Variants in GATAD2B observed in about 807,000 individuals in gnomAD.
The protein encoded by GATAD2B is transcriptional repressor p66-beta.
In GATAD2B, 8 loss-of-function variants were observed where a neutral mutation model predicts 64.3. That is an observed-to-expected ratio of 0.12 (90% CI 0.07 to 0.22). The LOEUF is 0.22. Among genes scored for constraint, GATAD2B ranks in the 10% least tolerant of loss-of-function variants. The probability of loss-of-function intolerance (pLI) is 1.00; values close to 1 mark genes in which losing one functional copy is unlikely to be tolerated. For synonymous variants in GATAD2B, 281 were observed against 271.3 expected, an observed-to-expected ratio of 1.04 and a Z score of -0.35; for missense variants, 453 against 752.0, an observed-to-expected ratio of 0.60 and a Z score of 4.65.
At chr1:153,853,323 G>A in intron 1 of GATAD2B, 1 of 773,420 alleles carries the variant, frequency 1.3e-6, no homozygotes. Context: ...CATGGGCTGA[G>A]GACATGGGGT....
At chr1:153,857,636 GGA>G (rs1676135029) in intron 1 of GATAD2B, among the ~76,000 whole-genome samples, 1 of 152,126 alleles carries the variant, frequency 6.6e-6, no homozygotes, top group African/African-American at 2.4e-5. Flanking sequence ...AGGTAAAAAA[GGA>G]GAGAGAGATG....
At chr1:153,903,296 C>G (rs546566741) in intron 1 of GATAD2B, among the ~76,000 whole-genome samples, 2 of 151,990 alleles carry the variant, frequency 1.3e-5, no homozygotes, top group East Asian at 3.9e-4. Context: ...TTCTCTCTAT[C>G]AGAACAATTA....
At chr1:153,892,359 T>A (rs1677441571) in intron 1 of GATAD2B, among the ~76,000 whole-genome samples, 1 of 152,008 alleles carries the variant, frequency 6.6e-6, no homozygotes, top group Admixed American at 6.6e-5. Context: ...GGAAAAAAGA[T>A]CTAGCTGACC....
At chr1:153,863,097 G>A (rs1676367298) in intron 1 of GATAD2B, among the ~76,000 whole-genome samples, 1 of 152,026 alleles carries the variant, frequency 6.6e-6, no homozygotes, top group Admixed American at 6.6e-5. Context: ...AAATTTATTT[G>A]GGTGGGGCTA....
intron 1 of GATAD2B, among the ~76,000 whole-genome samples, chr1:153,903,938 T>C (rs1677852532): frequency 6.6e-6 from 1 of 152,098 alleles, no homozygotes. Flanking sequence ...GAGCCGTGAC[T>C]GCACCACTGC....
Position 153,805,246 on chromosome 1 carries a change from G to A in GATAD2B, c.*4931C>T, listed in dbSNP as rs1233732893. On this transcript the variant is annotated 3_prime_UTR_variant, in exon 11 of 11. Coordinates refer to ENST00000368655, the MANE Select transcript of GATAD2B (RefSeq NM_020699.4). ...AGACTGTGAAACAGCTGCCTTTAGC[G>A]GGGTTCAGATGAAATCTGAGGAAAG... 2.0e-5 allele frequency: 3 copies of A among 152,182 alleles called. No homozygotes were observed. Among genetic ancestry groups the A allele is most frequent in the Non-Finnish European group, 4.4e-5 (3 of 68,050 alleles). The allele number at this position is 152,182 out of a possible 1,614,324, so 9.4% of individuals were successfully genotyped here.
intron 1 of GATAD2B, among the ~76,000 whole-genome samples, chr1:153,859,842 C>T (rs1676215757): frequency 6.6e-6 from 1 of 151,400 alleles, no homozygotes; most frequent in South Asian, 2.1e-4. Context: ...TATGGTCATC[C>T]CTATCTCCAT....
At position 153,873,148 on chromosome 1, in the gene GATAD2B, A is replaced by C. The variant is rs2101931824; in HGVS notation, c.-1-44800T>G. ...AATGATGACTTAGTATTATTATGAA[A>C]CTATTCTGATCTCACAGACTCCATG... On this transcript the variant is annotated intron_variant, in intron 1 of 10. Transcript: ENST00000368655. 2.0e-5 allele frequency among the ~76,000 whole-genome samples: 3 copies of C among 152,280 alleles called. No individual in the cohort carries two copies. In the Middle Eastern group the frequency reaches 0.01, roughly 518 times the overall value.
intron 1 of GATAD2B, among the ~76,000 whole-genome samples, chr1:153,840,431 G>A (rs2101900984): frequency 6.6e-6 from 1 of 151,160 alleles, no homozygotes. Context: ...TCCGCCTCCT[G>A]GGTTCAAGCA....
intron 1 of GATAD2B, among the ~76,000 whole-genome samples, chr1:153,832,119 G>A (rs1162704100): frequency 6.6e-6 from 1 of 152,114 alleles, no homozygotes; most frequent in Non-Finnish European, 1.5e-5. Context: ...GGAGGCTGAG[G>A]CAGGAGGATC....
rs1177769366 is a variant in GATAD2B, at chr1:153,816,862, T to C, written c.901-274A>G. ...ACTTTGGGAGGCCGAGGTAGGCAGA[T>C]CACTTGAGGTGAGGAGTTTGAGACC... On this transcript the variant is annotated intron_variant, in intron 6 of 10. Transcript: ENST00000368655. The surrounding 1 kb of genome is among the most constrained non-coding windows in gnomAD (Gnocchi z 4.9). Among the ~76,000 whole-genome samples the C allele has an allele frequency of 6.6e-6, 1 of 152,158 alleles. No homozygotes were observed. The highest frequency in any genetic ancestry group is 1.5e-5 in the Non-Finnish European group (1 of 68,026).
At chr1:153,871,056 G>A (rs1341960521) in intron 1 of GATAD2B, among the ~76,000 whole-genome samples, 3 of 151,144 alleles carry the variant, frequency 2.0e-5, no homozygotes, top group East Asian at 2.0e-4. Context: ...GTGCTACCAC[G>A]CCTGGTGTTT....
intron 1 of GATAD2B, among the ~76,000 whole-genome samples, chr1:153,879,762 C>CAAAAA (rs71093298): frequency 8.6e-5 from 7 of 80,928 alleles, no homozygotes; most frequent in African/African-American, 1.5e-4. Context: ...ACACTGTCTA[C>CAAAAA]AAAAAAAAAA....
At chr1:153,901,181 T>A (rs1411914036) in intron 1 of GATAD2B, among the ~76,000 whole-genome samples, 1 of 150,364 alleles carries the variant, frequency 6.7e-6, no homozygotes, top group East Asian at 1.9e-4. Flanking sequence ...GCCACTGAAC[T>A]CCAGCCTGGG....
At chr1:153,911,682 G>A (rs1464377419) in intron 1 of GATAD2B, among the ~76,000 whole-genome samples, 1 of 152,056 alleles carries the variant, frequency 6.6e-6, no homozygotes, top group Non-Finnish European at 1.5e-5. Context: ...GTTGCAGTGA[G>A]CAGAGATCGC....
At chr1:153,820,753 CTGAG>C (rs1165624496) in intron 2 of GATAD2B, among the ~76,000 whole-genome samples, 2 of 152,006 alleles carry the variant, frequency 1.3e-5, no homozygotes, top group East Asian at 1.9e-4. Context: ...CCTCAGCCTC[CTGAG>C]TAACTGGGAC....
At chr1:153,907,025 G>C (rs185745307) in intron 1 of GATAD2B, among the ~76,000 whole-genome samples, 52 of 152,312 alleles carry the variant, frequency 3.4e-4, no homozygotes, top group Non-Finnish European at 5.6e-4. Flanking sequence ...GACGTGGAGG[G>C]ACTGGAACCT....
chr1:153,876,814 C>T (rs966343922), intron 1 of GATAD2B, among the ~76,000 whole-genome samples: 1 of 151,140 alleles, frequency 6.6e-6, no homozygotes, highest in African/African-American at 2.4e-5. Context: ...ACCAGCCTGG[C>T]CAACATGGTG....
Position 153,818,688 on chromosome 1 carries a change from C to A in GATAD2B, c.597+103G>T, listed in dbSNP as rs538633793. 2.2e-3 allele frequency: 2,143 copies of A among 982,284 alleles called. 41 individuals carry two copies. The African/African-American group carries it at 0.031, about 14-fold the overall frequency. 60.8% of individuals were successfully genotyped at this position (982,284 alleles called of 1,614,324 possible). On this transcript the variant is annotated intron_variant, in intron 4 of 10. Transcript: ENST00000368655. Reference sequence around the variant, plus strand: ...ACTACAGACTAAAAAACTACGGACCCAGAGAAGAAATGAGCCACCCAACTG... The same window carrying A: ...ACTACAGACTAAAAAACTACGGACCAAGAGAAGAAATGAGCCACCCAACTG...
Sources: allele counts gnomAD v4.1 joint callset (sites outside exome capture counted in the v4.1 genomes callset), GRCh38; gene constraint gnomAD v4.1.1; non-coding constraint Gnocchi (gnomAD v3.1); transcripts MANE v1.5; gene names NCBI Gene and HGNC (gene_info 2026-07-23, HGNC 2026-07-21).